TENM3: variants seen among roughly 807,000 people sequenced by gnomAD.
TENM3 encodes the protein teneurin-3.
A neutral mutation model predicts 255.1 loss-of-function variants in TENM3; 63 were observed. The ratio of observed to expected loss-of-function variants is 0.25; its 90% CI spans 0.20 to 0.30. TENM3 has a LOEUF of 0.30. Ranked by LOEUF, TENM3 falls within the 10% of genes least tolerant of loss-of-function variation. The pLI is 1.00. For synonymous variants in TENM3, 1,306 were observed against 1,322.3 expected, an observed-to-expected ratio of 0.99 and a Z score of 0.27; for missense variants, 2,929 against 3,461.1, an observed-to-expected ratio of 0.85 and a Z score of 3.86.
chr4:182,432,076 C>CAA (rs1179857938), intron 3 of TENM3, among the ~76,000 whole-genome samples: 24 of 74,454 alleles, frequency 3.2e-4, no homozygotes, highest in African/African-American at 1.0e-3. Flanking sequence ...GAGAAAGTCT[C>CAA]AAAAAAAAAA....
At chr4:182,398,567 G>T (rs1400242733) in intron 3 of TENM3, among the ~76,000 whole-genome samples, 1 of 152,102 alleles carries the variant, frequency 6.6e-6, no homozygotes, top group Non-Finnish European at 1.5e-5. Flanking sequence ...TAGTATGCTG[G>T]GTTCCTAGGA....
chr4:181,888,496 A>ATATATATATACATATATG, the TENM3 span, among the ~76,000 whole-genome samples: 1 of 24,696 alleles, frequency 4.0e-5, no homozygotes, highest in African/African-American at 8.8e-5. Context: ...AGAAATGTGT[A>ATATATATATACATATATG]TATATATATA....
chr4:181,640,763 G>A, the TENM3 span, among the ~76,000 whole-genome samples: 1 of 152,172 alleles, frequency 6.6e-6, no homozygotes, highest in Non-Finnish European at 1.5e-5. Context: ...GCAGCAGCAG[G>A]AGAGCTCTGG....
At chr4:182,227,929 CTT>C (rs374532105) in intron 1 of TENM3, among the ~76,000 whole-genome samples, 14 of 152,254 alleles carry the variant, frequency 9.2e-5, no homozygotes, top group African/African-American at 3.1e-4. Context: ...GAGCAAGTCA[CTT>C]TACGTTTCAG....
intron 4 of TENM3, among the ~76,000 whole-genome samples, chr4:182,623,373 G>A (rs1315894325): frequency 2.0e-5 from 3 of 151,632 alleles, no homozygotes; most frequent in African/African-American, 7.3e-5. Context: ...TGTAGTCTCA[G>A]CTCACTGCAA....
chr4:182,685,207 CTCCT>C (rs1224840202), intron 11 of TENM3, among the ~76,000 whole-genome samples: 2 of 152,018 alleles, frequency 1.3e-5, no homozygotes, highest in Non-Finnish European at 2.9e-5. Flanking sequence ...TCTCTTATCT[CTCCT>C]TCCTTCCTTC....
chr4:182,643,040 C>T (rs1752448008), intron 5 of TENM3, among the ~76,000 whole-genome samples: 1 of 152,192 alleles, frequency 6.6e-6, no homozygotes, highest in South Asian at 2.1e-4. Context: ...ACTCTGTGTT[C>T]CTAATGACAG....
chr4:181,459,657 G>C, the TENM3 span, among the ~76,000 whole-genome samples: 1 of 151,786 alleles, frequency 6.6e-6, no homozygotes, highest in Non-Finnish European at 1.5e-5. Flanking sequence ...GGTCCTATTT[G>C]TAGACTCTAT....
the TENM3 span, among the ~76,000 whole-genome samples, chr4:181,547,602 C>A: frequency 6.6e-6 from 1 of 151,900 alleles, no homozygotes; most frequent in Non-Finnish European, 1.5e-5. Flanking sequence ...AAGAAATAAT[C>A]CTAAAAGCCT....
At chr4:181,991,270 T>C in the TENM3 span, among the ~76,000 whole-genome samples, 2 of 152,236 alleles carry the variant, frequency 1.3e-5, no homozygotes, top group East Asian at 3.9e-4. Context: ...CAGTTTAGAT[T>C]GATCCTTTTC....
intron 13 of TENM3, among the ~76,000 whole-genome samples, chr4:182,721,664 T>C (rs961349153): frequency 1.3e-5 from 2 of 152,214 alleles, no homozygotes; most frequent in Non-Finnish European, 2.9e-5. Flanking sequence ...TTTTGATAGC[T>C]ACTGCTCAAT....
the TENM3 span, among the ~76,000 whole-genome samples, chr4:182,054,765 T>G: frequency 6.6e-6 from 1 of 152,198 alleles, no homozygotes; most frequent in Admixed American, 6.5e-5. Flanking sequence ...ATGTGCCCCA[T>G]AAATATATAC....
At chr4:182,038,294 G>A in the TENM3 span, among the ~76,000 whole-genome samples, 2 of 151,744 alleles carry the variant, frequency 1.3e-5, no homozygotes, top group Non-Finnish European at 2.9e-5. Context: ...CGCTAACTAG[G>A]GCAAAATTAT....
intron 3 of TENM3, among the ~76,000 whole-genome samples, chr4:182,462,816 G>C (rs1025760124): frequency 6.6e-6 from 1 of 151,948 alleles, no homozygotes; most frequent in Non-Finnish European, 1.5e-5. Flanking sequence ...GAACCTGGGA[G>C]GCAGAGGTTG....
At chr4:182,555,177 G>A (rs1742460992) in intron 3 of TENM3, among the ~76,000 whole-genome samples, 1 of 152,102 alleles carries the variant, frequency 6.6e-6, no homozygotes, top group Non-Finnish European at 1.5e-5. Flanking sequence ...TATGACTGAA[G>A]GAGGCAAGCG....
At chr4:181,683,350 T>A in the TENM3 span, among the ~76,000 whole-genome samples, 40 of 151,780 alleles carry the variant, frequency 2.6e-4, no homozygotes, top group Non-Finnish European at 4.3e-4. Flanking sequence ...ACCCTAAAAC[T>A]TACACTTCTA....
At chr4:181,829,449 A>G in the TENM3 span, among the ~76,000 whole-genome samples, 5 of 152,170 alleles carry the variant, frequency 3.3e-5, no homozygotes, top group African/African-American at 1.2e-4. Context: ...CATTGGTAAA[A>G]TTGCAATAGT....
chr4:182,656,144 A>G lies in TENM3; in HGVS notation c.1111+2251A>G, dbSNP rs74322699. On this transcript the variant is annotated intron_variant, in intron 6 of 27. Coordinates refer to ENST00000511685, the MANE Select transcript of TENM3 (RefSeq NM_001080477.4). ...CATATAAGCGAAGTACTTTCTTCCT[A>G]GATGTGTAAAAGTCTCCTATATAGG... 5.6e-3 allele frequency among the ~76,000 whole-genome samples: 855 copies of G among 152,178 alleles called. 6 individuals carry two copies. Among genetic ancestry groups the G allele is most frequent in the African/African-American group, 0.019 (801 of 41,516 alleles).
chr4:181,621,557 C>T, the TENM3 span, among the ~76,000 whole-genome samples: 1 of 152,152 alleles, frequency 6.6e-6, no homozygotes, highest in Admixed American at 6.6e-5. Context: ...CGAATAGCCT[C>T]CTGACAGTGA....
Sources: gnomAD v4.1 joint callset for allele counts (sites outside exome capture counted in the v4.1 genomes callset) on GRCh38, gnomAD v4.1.1 for gene constraint, MANE v1.5 for transcripts, NCBI Gene and HGNC (gene_info 2026-07-23, HGNC 2026-07-21) for gene names.